Variants in FNDC3A observed in about 807,000 individuals in gnomAD.
FNDC3A encodes the protein fibronectin type-III domain-containing protein 3A.
Under a neutral mutation model 148.9 loss-of-function variants are expected in FNDC3A, and 32 were observed. That is an observed-to-expected ratio of 0.21 (90% confidence interval 0.16 to 0.29). The LOEUF (loss-of-function observed/expected upper bound fraction) is 0.29. FNDC3A is among the 10% of genes least tolerant of loss of function. The pLI is 1.00. For missense variants in FNDC3A, 1,191 were observed against 1,452.8 expected, an observed-to-expected ratio of 0.82 and a Z score of 2.93; for synonymous variants, 472 against 473.6, an observed-to-expected ratio of 1.00 and a Z score of 0.04.
In FNDC3A at chr13:49,198,368, A is replaced by C. The variant is rs1886259271; in HGVS notation, c.2781A>C (p.Arg927=). The change falls in exon 23 of 26, where the codon CGA becomes CGC. Residue 927 remains arginine, a synonymous_variant. Transcript: ENST00000492622. ...TTTCTTATGTGGCACTTAGAATACG[A>C]ATTCAAGCCTTGAATAGCCTTGGAG... ...NLQPDTTYRI[R]IQALNSLGAG... is the part of the protein sequence containing the mutation. The C allele has an allele frequency of 1.2e-6, 2 of 1,614,044 alleles. No homozygotes were observed. Among genetic ancestry groups the C allele is most frequent in the South Asian group, 2.2e-5 (2 of 91,088 alleles).
intron 14 of FNDC3A, 69 bp downstream of exon 14, chr13:49,178,723 G>A (rs1212587117): frequency 1.1e-6 from 1 of 872,540 alleles, no homozygotes; most frequent in Admixed American, 2.9e-5. Context: ...GGGGTTCTTT[G>A]TTTTCTGTTT....
intron 8 of FNDC3A, among the ~76,000 whole-genome samples, chr13:49,164,003 A>G (rs992927755): frequency 6.6e-6 from 1 of 152,144 alleles, no homozygotes; most frequent in Admixed American, 6.6e-5. Flanking sequence ...TGTCTTCATG[A>G]CAGCAGATAT....
In FNDC3A at chr13:49,182,780, A is replaced by G. The variant is rs142109648; in HGVS notation, c.1618-3184A>G. Among the ~76,000 whole-genome samples, 13 of 152,158 alleles carry G rather than the reference A, an allele frequency of 8.5e-5. No individual in the cohort carries two copies. In the South Asian group the frequency reaches 1.7e-3, roughly 19 times the overall value. Reference sequence around the variant, plus strand: ...CTGTTACAGTACATAGTATGTAGTCATGTTTTCTTCCTCTCATCTTATCTG... The same window carrying G: ...CTGTTACAGTACATAGTATGTAGTCGTGTTTTCTTCCTCTCATCTTATCTG... On this transcript the variant is annotated intron_variant, in intron 14 of 25. Coordinates refer to ENST00000492622, the MANE Select transcript of FNDC3A (RefSeq NM_001079673.2).
At chr13:49,008,525 T>C (rs962213899) in intron 2 of FNDC3A, among the ~76,000 whole-genome samples, 1 of 152,210 alleles carries the variant, frequency 6.6e-6, no homozygotes, top group African/African-American at 2.4e-5. Context: ...TTGACTTTTC[T>C]TCAGAATATT....
intron 1 of FNDC3A, among the ~76,000 whole-genome samples, chr13:48,986,385 GTTTTTTTTTTTTTT>G (rs869031197): frequency 1.1e-4 from 6 of 54,412 alleles, no homozygotes; most frequent in East Asian, 6.8e-4. Context: ...GAAGGAAGTT[GTTTTTTTTTTTTTT>G]TTTTTTTTTT....
intron 2 of FNDC3A, among the ~76,000 whole-genome samples, chr13:49,018,358 TC>T (rs1872994899): frequency 1.3e-5 from 2 of 152,204 alleles, no homozygotes; most frequent in South Asian, 4.1e-4. Context: ...CACTTCATCT[TC>T]CATCGCTGAT....
chr13:49,149,146 AAAG>A (rs1042711576), intron 8 of FNDC3A, among the ~76,000 whole-genome samples: 9 of 151,852 alleles, frequency 5.9e-5, no homozygotes, highest in African/African-American at 2.4e-5. Flanking sequence ...TGTCATCTAC[AAAG>A]AAGGACAATT....
intron 8 of FNDC3A, among the ~76,000 whole-genome samples, chr13:49,155,286 A>G (rs1414416717): frequency 6.6e-6 from 1 of 151,224 alleles, no homozygotes; most frequent in Admixed American, 6.6e-5. Flanking sequence ...TTTCTTCTAG[A>G]TTTTCTAGTT....
intron 8 of FNDC3A, among the ~76,000 whole-genome samples, chr13:49,153,032 C>G (rs1242166753): frequency 1.3e-5 from 2 of 151,312 alleles, no homozygotes; most frequent in African/African-American, 4.9e-5. Flanking sequence ...GGGTATATAC[C>G]CAGTAATGGG....
chr13:49,013,084 G>A (rs1952390579), intron 2 of FNDC3A, among the ~76,000 whole-genome samples: 1 of 152,138 alleles, frequency 6.6e-6, no homozygotes. Flanking sequence ...GGGAGGCTGA[G>A]GCAGGCAGAT....
At position 49,201,920 on chromosome 13, in the gene FNDC3A, A is replaced by G. The variant is rs1430898469; in HGVS notation, c.3108A>G (p.Gln1036=). Residue 1036 remains glutamine, a synonymous_variant, in exon 24 of 26, where the codon CAA becomes CAG. Transcript: ENST00000492622. ...AAGCTGGGGAAGGTCCCCTCTCCCA[A>G]GAATATATTTTCACTACTCCAAAAT... The part of the protein sequence containing the change: ...CNEAGEGPLS[Q]EYIFTTPKSV... 3 of 1,591,280 alleles carry G rather than the reference A, an allele frequency of 1.9e-6. No individual in the cohort carries two copies. Among genetic ancestry groups the G allele is most frequent in the African/African-American group, 2.7e-5 (2 of 73,512 alleles).
chr13:49,093,223 ACT>A (rs1879302709), intron 3 of FNDC3A, among the ~76,000 whole-genome samples: 5 of 152,160 alleles, frequency 3.3e-5, no homozygotes, highest in Non-Finnish European at 7.3e-5. Context: ...TCCCCGTAGC[ACT>A]TACAACTGCC....
At chr13:49,092,598 A>G (rs1006414342) in intron 3 of FNDC3A, among the ~76,000 whole-genome samples, 1 of 152,092 alleles carries the variant, frequency 6.6e-6, no homozygotes, top group African/African-American at 2.4e-5. Flanking sequence ...CTCAGTATTA[A>G]TCATCACACC....
At chr13:49,044,818 CT>C in intron 2 of FNDC3A, 2 of 402,598 alleles carry the variant, frequency 5.0e-6, no homozygotes, top group South Asian at 2.1e-5. Context: ...TTTTTCAATA[CT>C]TTTTGTGTGT....
intron 3 of FNDC3A, among the ~76,000 whole-genome samples, chr13:49,089,516 A>G (rs1367224217): frequency 1.3e-5 from 2 of 152,226 alleles, no homozygotes; most frequent in Non-Finnish European, 2.9e-5. Context: ...AGAGATTTGA[A>G]GCATGAGATG....
At chr13:48,981,233 A>G (rs1409699649) in intron 1 of FNDC3A, among the ~76,000 whole-genome samples, 1 of 152,140 alleles carries the variant, frequency 6.6e-6, no homozygotes, top group East Asian at 1.9e-4. Flanking sequence ...GAGGTAAATT[A>G]AAGTACCTTG....
intron 3 of FNDC3A, among the ~76,000 whole-genome samples, chr13:49,092,498 T>A (rs1044103893): frequency 1.1e-4 from 17 of 152,172 alleles, no homozygotes; most frequent in African/African-American, 3.4e-4. Flanking sequence ...AGGTCTGCCT[T>A]TCCCAGCCCA....
intron 14 of FNDC3A, among the ~76,000 whole-genome samples, chr13:49,180,935 A>C (rs544832775): frequency 6.6e-6 from 1 of 152,130 alleles, no homozygotes; most frequent in African/African-American, 2.4e-5. Context: ...AAAAGCCACC[A>C]GGCATGGTAG....
At chr13:49,039,226 A>T (rs1281150557) in intron 2 of FNDC3A, among the ~76,000 whole-genome samples, 2 of 152,252 alleles carry the variant, frequency 1.3e-5, no homozygotes, top group African/African-American at 4.8e-5. Context: ...GGTATAATTT[A>T]TGCATAGGTA....
Sources: gnomAD v4.1 joint callset for allele counts (sites outside exome capture counted in the v4.1 genomes callset) on GRCh38, gnomAD v4.1.1 for gene constraint, MANE v1.5 for transcripts, NCBI Gene and HGNC (gene_info 2026-07-23, HGNC 2026-07-21) for gene names.